The following KCNT2 variants were observed in gnomAD, a reference collection of about 807,000 sequenced individuals.
The protein encoded by KCNT2 is potassium channel subfamily T member 2.
KCNT2 carries 67 observed loss-of-function variants against 153.8 expected under a neutral mutation model. That is an observed-to-expected ratio of 0.44 (90% confidence interval 0.36 to 0.53). KCNT2 has a LOEUF of 0.53. Among genes scored for constraint, KCNT2 ranks in the 20% least tolerant of loss-of-function variants. The pLI, the probability that KCNT2 is intolerant of heterozygous loss-of-function variation, is 0.00. For synonymous variants in KCNT2, 500 were observed against 458.8 expected, an observed-to-expected ratio of 1.09 and a Z score of -1.15; for missense variants, 975 against 1,354.8, an observed-to-expected ratio of 0.72 and a Z score of 4.40.
chr1:196,412,641 C>G (rs576698029), intron 12 of KCNT2, among the ~76,000 whole-genome samples: 1 of 151,466 alleles, frequency 6.6e-6, no homozygotes, highest in South Asian at 2.1e-4. Flanking sequence ...AGCCCCCTAC[C>G]CCCCAGCACA....
chr1:196,389,101 A>G (rs1283295057), intron 13 of KCNT2, among the ~76,000 whole-genome samples: 1 of 151,776 alleles, frequency 6.6e-6, no homozygotes, highest in Non-Finnish European at 1.5e-5. Flanking sequence ...ATGATCATAT[A>G]CTTATTTTCC....
Position 196,465,310 on chromosome 1 carries a change from T to G in KCNT2, c.621A>C (p.Leu207=). 6.3e-7 allele frequency: 1 copy of G among 1,575,884 alleles called. No homozygotes were observed. Among genetic ancestry groups the G allele is most frequent in the South Asian group, 1.1e-5 (1 of 90,174 alleles). The stretch of plus-strand genomic sequence containing the variant: ...AATCTTACCAGGTGAAGATAAGGCA[T>G]AGTAATGTAGATATTAAAATCAAAA... ...NQVLILISTL[L]CLIFTCICGI... is the part of the protein sequence containing the mutation. The change falls in exon 8 of 28, where the codon CTA becomes CTC. Residue 207 remains leucine, a synonymous_variant. Transcript: ENST00000294725.
intron 8 of KCNT2, among the ~76,000 whole-genome samples, chr1:196,461,305 T>C (rs150776371): frequency 6.6e-6 from 1 of 151,834 alleles, no homozygotes; most frequent in East Asian, 1.9e-4. Context: ...AAACAATAAA[T>C]GAGTTTATTT....
intron 16 of KCNT2, among the ~76,000 whole-genome samples, chr1:196,337,391 A>G (rs1665140022): frequency 6.6e-6 from 1 of 152,136 alleles, no homozygotes; most frequent in Admixed American, 6.6e-5. Flanking sequence ...TATGTTCAAC[A>G]GCAGCCTGAG....
At position 196,608,433 on chromosome 1, in the gene KCNT2, A is replaced by T; in HGVS notation, c.-124T>A. 5.2e-4 allele frequency: 287 copies of T among 548,274 alleles called. No individual in the cohort carries two copies. The highest frequency in any genetic ancestry group is 1.0e-3 in the East Asian group (24 of 23,124). The allele number at this position is 548,274 out of a possible 1,614,324, so 34.0% of individuals were successfully genotyped here. On this transcript the variant is annotated 5_prime_UTR_variant, in exon 1 of 28. Coordinates refer to ENST00000294725, the MANE Select transcript of KCNT2 (RefSeq NM_198503.5). The stretch of plus-strand genomic sequence containing the variant: ...CTGTGGCCGAGAGAGGGATGGGAGA[A>T]GGGGAAGGGGACAGGGAGGGGGAGG...
At chr1:196,513,529 C>T (rs910595278) in intron 1 of KCNT2, among the ~76,000 whole-genome samples, 4 of 152,142 alleles carry the variant, frequency 2.6e-5, no homozygotes, top group African/African-American at 9.7e-5. Context: ...ACTTAATTAT[C>T]GTACAATTTT....
rs1418056997 is a variant in KCNT2 at position 196,240,048 on chromosome 1, T to C, written c.3212-3978A>G. ...TCCATCTTCCACAATTGTGAGAAAA[T>C]AAACTTCTAGTGTTTAAACCATGCA... On this transcript the variant is annotated intron_variant, in intron 26 of 27. Coordinates refer to ENST00000294725, the MANE Select transcript of KCNT2 (RefSeq NM_198503.5). Among the ~76,000 whole-genome samples, 4 of 152,032 alleles carry C rather than the reference T, an allele frequency of 2.6e-5. No homozygotes were observed. In the East Asian group the frequency reaches 5.8e-4, roughly 22 times the overall value.
In KCNT2 at chr1:196,228,034, A is replaced by T. The variant is rs1220487281; in HGVS notation, c.*190T>A. Reference sequence around the variant, plus strand: ...AATTTATTCCATTGAGGTCCTTCAAATATTAATAGGGAGAGTACCAGTAAG... The same window carrying T: ...AATTTATTCCATTGAGGTCCTTCAATTATTAATAGGGAGAGTACCAGTAAG... On this transcript the variant is annotated 3_prime_UTR_variant, in exon 28 of 28. Transcript: ENST00000294725. The T allele has an allele frequency of 7.5e-6, 3 of 400,546 alleles. No individual in the cohort carries two copies. Among genetic ancestry groups the T allele is most frequent in the Non-Finnish European group, 1.3e-5 (3 of 225,738 alleles). The allele number at this position is 400,546 out of a possible 1,614,324, so 24.8% of individuals were successfully genotyped here.
chr1:196,328,079 A>C (rs1664063987), intron 18 of KCNT2, among the ~76,000 whole-genome samples: 1 of 152,212 alleles, frequency 6.6e-6, no homozygotes, highest in African/African-American at 2.4e-5. Flanking sequence ...TTAAATTCAG[A>C]ATATAAAATG....
At chr1:196,480,657 C>T (rs1472754646) in intron 4 of KCNT2, among the ~76,000 whole-genome samples, 2 of 151,746 alleles carry the variant, frequency 1.3e-5, no homozygotes, top group South Asian at 2.1e-4. Flanking sequence ...AGATCGAGAC[C>T]ATCCTGGCTA....
chr1:196,409,372 T>G (rs908261583), intron 12 of KCNT2, among the ~76,000 whole-genome samples: 3 of 151,568 alleles, frequency 2.0e-5, no homozygotes, highest in Non-Finnish European at 4.4e-5. Context: ...CAGCATTTAT[T>G]ACACCCATCT....
At chr1:196,568,595 C>CAAAAAA (rs34667117) in intron 1 of KCNT2, among the ~76,000 whole-genome samples, 1 of 118,842 alleles carries the variant, frequency 8.4e-6, no homozygotes, top group Non-Finnish European at 1.7e-5. Flanking sequence ...GACTCCGTCT[C>CAAAAAA]AAAAAAAAAA....
intron 1 of KCNT2, among the ~76,000 whole-genome samples, chr1:196,505,716 G>A (rs1183311426): frequency 1.3e-5 from 2 of 151,958 alleles, no homozygotes; most frequent in African/African-American, 4.8e-5. Flanking sequence ...CTACCCATGA[G>A]CATGGAATGT....
intron 19 of KCNT2, among the ~76,000 whole-genome samples, chr1:196,322,246 A>T (rs999702138): frequency 6.6e-6 from 1 of 151,946 alleles, no homozygotes; most frequent in African/African-American, 2.4e-5. Context: ...AGCTCATTAC[A>T]AACAGATTAA....
chr1:196,581,307 T>C (rs1662013005), intron 1 of KCNT2, among the ~76,000 whole-genome samples: 1 of 152,130 alleles, frequency 6.6e-6, no homozygotes, highest in Admixed American at 6.6e-5. Context: ...TTCTTAGAAG[T>C]TAATTTTGTA....
chr1:196,243,147 A>G (rs10922051), intron 26 of KCNT2, among the ~76,000 whole-genome samples: 108,472 of 151,974 alleles, frequency 0.71, 41,992 homozygotes, highest in East Asian at 0.95. Flanking sequence ...ATGTGTTTCT[A>G]TTTTTCTCTT....
At chr1:196,577,481 A>G (rs1661503254) in intron 1 of KCNT2, among the ~76,000 whole-genome samples, 1 of 152,196 alleles carries the variant, frequency 6.6e-6, no homozygotes, top group Non-Finnish European at 1.5e-5. Flanking sequence ...ACACAGAATT[A>G]GGGAGAAGAA....
intron 1 of KCNT2, among the ~76,000 whole-genome samples, chr1:196,522,357 G>C (rs1212433759): frequency 6.6e-6 from 1 of 152,176 alleles, no homozygotes; most frequent in African/African-American, 2.4e-5. Context: ...ATTACTACTA[G>C]AGGTACCAGC....
intron 5 of KCNT2, among the ~76,000 whole-genome samples, chr1:196,473,233 C>T (rs572449618): frequency 1.3e-5 from 2 of 152,090 alleles, no homozygotes; most frequent in Non-Finnish European, 2.9e-5. Context: ...CTTTCCTTGC[C>T]CCTTCATCAT....
Sources: gnomAD v4.1 joint callset for allele counts (sites outside exome capture counted in the v4.1 genomes callset) on GRCh38, gnomAD v4.1.1 for gene constraint, MANE v1.5 for transcripts, NCBI Gene and HGNC (gene_info 2026-07-23, HGNC 2026-07-21) for gene names.